The following SNX29 variants were observed in gnomAD, a reference collection of about 807,000 sequenced individuals.
The protein encoded by SNX29 is sorting nexin-29.
SNX29 carries 78 observed loss-of-function variants against 102.1 expected under a neutral mutation model. The observed-to-expected ratio is 0.76, with a 90% CI of 0.64 to 0.92. The LOEUF (loss-of-function observed/expected upper bound fraction) is 0.92, where lower values mean the gene tolerates loss of function less well. SNX29 is among the 40% of genes least tolerant of loss of function. SNX29 has a pLI of 0.00. For missense variants in SNX29, 1,280 were observed against 1,061.7 expected (o/e 1.21, Z -2.86); for synonymous variants, 580 against 414.5 (o/e 1.40, Z -4.85).
In SNX29 at chr16:12,267,342, T is replaced by C. The variant is rs1352333769; in HGVS notation, c.1679-10591T>C. Reference sequence around the variant, plus strand: ...TGTTCCCAAGCGGGGGATTTTGAAATTAAGCAGGCTGGGGTTTTCATCACT... The same window carrying C: ...TGTTCCCAAGCGGGGGATTTTGAAACTAAGCAGGCTGGGGTTTTCATCACT... On this transcript the variant is annotated intron_variant, in intron 14 of 20. Coordinates refer to ENST00000566228, the MANE Select transcript of SNX29 (RefSeq NM_032167.5). Among the ~76,000 whole-genome samples, 6 of 152,148 alleles carry C rather than the reference T, an allele frequency of 3.9e-5. No individual in the cohort carries two copies. The East Asian group carries it at 1.2e-3, about 29-fold the overall frequency.
Position 12,234,271 on chromosome 16 carries a change from A to G in SNX29, c.1678+34588A>G, listed in dbSNP as rs113981528. On this transcript the variant is annotated intron_variant, in intron 14 of 20. Coordinates refer to ENST00000566228, the MANE Select transcript of SNX29 (RefSeq NM_032167.5). ...GTGAAGTGGCACCTTCACGTTTGCA[A>G]ATCAGTGGTTTCAATTTGCATTTCC... Among the ~76,000 whole-genome samples, 349 of 152,266 alleles carry G rather than the reference A, an allele frequency of 2.3e-3. 2 individuals are homozygous for G. Among genetic ancestry groups the G allele is most frequent in the African/African-American group, 7.8e-3 (324 of 41,540 alleles).
chr16:12,026,535 AT>A (rs1313345889), intron 3 of SNX29, among the ~76,000 whole-genome samples: 1 of 152,186 alleles, frequency 6.6e-6, no homozygotes, highest in Non-Finnish European at 1.5e-5. Context: ...CCCTGAGAAG[AT>A]TGCTAAGATC....
rs568707874 is a variant in SNX29 at position 12,083,287 on chromosome 16, C to A, written c.1402+4372C>A. ...CACCACTGCACTCCAGCCTGGGCGACAGAGCAAGACTATGTCTCAAAAAAA... is the reference window on the plus strand; with the variant it reads ...CACCACTGCACTCCAGCCTGGGCGAAAGAGCAAGACTATGTCTCAAAAAAA... On this transcript the variant is annotated intron_variant, in intron 11 of 20. Coordinates refer to ENST00000566228, the MANE Select transcript of SNX29 (RefSeq NM_032167.5). Among the ~76,000 whole-genome samples, 146 of 144,366 alleles carry A rather than the reference C, an allele frequency of 1.0e-3. 1 individual carries two copies. Among genetic ancestry groups the A allele is most frequent in the African/African-American group, 3.8e-3 (143 of 37,384 alleles). 94.7% of individuals were successfully genotyped at this position (144,366 alleles called of 152,430 possible).
intron 18 of SNX29, among the ~76,000 whole-genome samples, chr16:12,467,324 G>A (rs2087100902): frequency 6.6e-6 from 1 of 152,212 alleles, no homozygotes; most frequent in African/African-American, 2.4e-5. Context: ...AAACCCATTT[G>A]TATATAAATG....
intron 13 of SNX29, among the ~76,000 whole-genome samples, chr16:12,130,674 T>C (rs1193568111): frequency 6.6e-6 from 1 of 151,984 alleles, no homozygotes; most frequent in Non-Finnish European, 1.5e-5. Context: ...CCCAGAGATA[T>C]TCCCTGTACA....
intron 19 of SNX29, among the ~76,000 whole-genome samples, chr16:12,500,733 A>T (rs2089079067): frequency 6.6e-6 from 1 of 152,212 alleles, no homozygotes; most frequent in Non-Finnish European, 1.5e-5. Flanking sequence ...TTCAGGCCCC[A>T]TCCCAGACCT....
chr16:12,572,314 A>C lies in SNX29; in HGVS notation c.*3685A>C, dbSNP rs1026597512. 1 of 1,062,566 alleles carries C rather than the reference A, an allele frequency of 9.4e-7. No homozygotes were observed. Among genetic ancestry groups the C allele is most frequent in the Non-Finnish European group, 1.1e-6 (1 of 877,576 alleles). 65.8% of individuals were successfully genotyped at this position (1,062,566 alleles called of 1,614,324 possible). A position where few individuals can be genotyped will look rare whatever the true frequency, so the allele number is the denominator to read the frequency against. ...GGCCAGTGATCACAATCCAGGTTGG[A>C]AACAGGAGTGAAGCCCACCAGCCTG... is the stretch of plus-strand genomic sequence containing the variant. On this transcript the variant is annotated 3_prime_UTR_variant, in exon 21 of 21. Transcript: ENST00000566228.
intron 13 of SNX29, among the ~76,000 whole-genome samples, chr16:12,133,281 GTTTTTTTT>G (rs57733463): frequency 7.5e-5 from 5 of 66,900 alleles, no homozygotes; most frequent in East Asian, 1.0e-3. Flanking sequence ...CTTAGTGTGG[GTTTTTTTT>G]TTTTTTTTTT....
chr16:12,057,822 A>AT (rs1374168691), intron 8 of SNX29, among the ~76,000 whole-genome samples: 14 of 68,406 alleles, frequency 2.0e-4, no homozygotes, highest in African/African-American at 9.9e-4. Context: ...TATTTTATAT[A>AT]TATATTTTTT....
intron 18 of SNX29, among the ~76,000 whole-genome samples, chr16:12,443,635 G>C (rs747027457): frequency 6.6e-6 from 1 of 152,202 alleles, no homozygotes; most frequent in Non-Finnish European, 1.5e-5. Flanking sequence ...GTTTTCATTA[G>C]AGACAGGTTT....
In SNX29 at chr16:12,096,234, C is replaced by T. The variant is rs1004377106; in HGVS notation, c.1402+17319C>T. Among the ~76,000 whole-genome samples, 1 of 152,204 alleles carries T rather than the reference C, an allele frequency of 6.6e-6. No individual in the cohort carries two copies. The highest frequency in any genetic ancestry group is 2.4e-5 in the African/African-American group (1 of 41,450). Reference sequence around the variant, plus strand: ...TCCCACTGAATTTTGTGTATTAGCCCTTCAGTGACTGTCTTAGTGTCTTAG... The same window carrying T: ...TCCCACTGAATTTTGTGTATTAGCCTTTCAGTGACTGTCTTAGTGTCTTAG... On this transcript the variant is annotated intron_variant, in intron 11 of 20. Transcript: ENST00000566228. This position sits in a 1 kb window ranked among gnomAD's most constrained non-coding sequence, Gnocchi z 4.2.
chr16:12,292,853 T>A, intron 15 of SNX29, among the ~76,000 whole-genome samples: 1 of 152,366 alleles, frequency 6.6e-6, no homozygotes, highest in East Asian at 1.9e-4. Flanking sequence ...GCTCTAGTGT[T>A]AGTTAAGCTT....
At chr16:12,456,222 G>T (rs2086531688) in intron 18 of SNX29, among the ~76,000 whole-genome samples, 1 of 152,134 alleles carries the variant, frequency 6.6e-6, no homozygotes, top group Non-Finnish European at 1.5e-5. Context: ...AAAATGTGCA[G>T]AGCTTACGTT....
chr16:12,095,830 A>G (rs2052744504), intron 11 of SNX29, among the ~76,000 whole-genome samples: 1 of 152,248 alleles, frequency 6.6e-6, no homozygotes, highest in African/African-American at 2.4e-5. Flanking sequence ...CAGAGAGGGC[A>G]AGAAAAACAT....
intron 3 of SNX29, among the ~76,000 whole-genome samples, chr16:12,018,257 A>G (rs2056908598): frequency 6.6e-6 from 1 of 152,076 alleles, no homozygotes. Flanking sequence ...TTTTCTTCAT[A>G]TAGGGCTTGC....
rs1256357979 is a variant in SNX29 at position 12,569,955 on chromosome 16, G to A, written c.*1326G>A. 4.3e-6 allele frequency: 1 copy of A among 235,240 alleles called. No homozygotes were observed. The highest frequency in any genetic ancestry group is 8.3e-6 in the Non-Finnish European group (1 of 120,214). The allele number at this position is 235,240 out of a possible 1,614,324, so 14.6% of individuals were successfully genotyped here. ...AAAAGCAGGTGGAAGGTGACGGTTA[G>A]ATGGTAAGCCATGGGCTTGTCCTGG... On this transcript the variant is annotated 3_prime_UTR_variant, in exon 21 of 21. Transcript: ENST00000566228.
rs1444740430 is a variant in SNX29, at chr16:12,196,555, C to T, written c.1596-3046C>T. 3.9e-5 allele frequency among the ~76,000 whole-genome samples: 6 copies of T among 152,038 alleles called. No homozygotes were observed. In the South Asian group the frequency reaches 1.0e-3, roughly 26 times the overall value. On this transcript the variant is annotated intron_variant, in intron 13 of 20. Coordinates refer to ENST00000566228, the MANE Select transcript of SNX29 (RefSeq NM_032167.5). Reference sequence around the variant, plus strand: ...GGGATTTCAAGGAAGGTGCAAACATCTCAAATGTCCAACTCTGCCACAGTC... The same window carrying T: ...GGGATTTCAAGGAAGGTGCAAACATTTCAAATGTCCAACTCTGCCACAGTC...
chr16:12,101,301 CTTT>C (rs1212782573), intron 11 of SNX29, among the ~76,000 whole-genome samples: 3 of 118,570 alleles, frequency 2.5e-5, no homozygotes, highest in Non-Finnish European at 1.6e-5. Flanking sequence ...CCCCCCCCAA[CTTT>C]TTTTTTTTTT....
intron 11 of SNX29, among the ~76,000 whole-genome samples, chr16:12,086,111 C>G (rs530616084): frequency 1.3e-5 from 2 of 150,558 alleles, no homozygotes; most frequent in South Asian, 4.2e-4. Context: ...TCACGCCATT[C>G]TCCTGCCTCA....
Sources: gnomAD v4.1 joint callset for allele counts (sites outside exome capture counted in the v4.1 genomes callset) on GRCh38, gnomAD v4.1.1 for gene constraint, Gnocchi (gnomAD v3.1) non-coding constraint, MANE v1.5 for transcripts, NCBI Gene and HGNC (gene_info 2026-07-23, HGNC 2026-07-21) for gene names.